Variants in PPM1E observed in about 807,000 individuals in gnomAD.
The protein encoded by PPM1E is protein phosphatase 1E.
In PPM1E, 20 loss-of-function variants were observed where a neutral mutation model predicts 65.9. The ratio of observed to expected loss-of-function variants is 0.30; its 90% CI spans 0.21 to 0.44. PPM1E has a LOEUF of 0.44. Ranked by LOEUF, PPM1E falls within the 20% of genes least tolerant of loss-of-function variation. The pLI, the probability that PPM1E is intolerant of heterozygous loss-of-function variation, is 1.00. For missense variants in PPM1E, 713 were observed against 953.1 expected (o/e 0.75, Z 3.32); for synonymous variants, 352 against 374.9 (o/e 0.94, Z 0.70).
intron 1 of PPM1E, among the ~76,000 whole-genome samples, chr17:58,852,255 C>T (rs540263325): frequency 3.2e-4 from 49 of 152,238 alleles, no homozygotes; most frequent in South Asian, 2.7e-3. Flanking sequence ...CACCCTGCTC[C>T]GTGGGCTGCA....
rs772254985 is a variant in PPM1E at position 58,756,058 on chromosome 17, G to C, written c.61G>C (p.Glu21Gln). 12 of 1,613,954 alleles carry C rather than the reference G, an allele frequency of 7.4e-6. No homozygotes were observed. The highest frequency in any genetic ancestry group is 9.3e-6 in the Non-Finnish European group (11 of 1,179,916). ...GCGCTTCCTGGAGCTATTCCTGGGC[G>C]AGTTTCGCGGACCGTGCGGCGGCGG... Reference protein sequence around the residue: ...YRRFLELFLGEFRGPCGGGEP... With the variant: ...YRRFLELFLGQFRGPCGGGEP... Residue 21 changes from glutamate to glutamine, a missense_variant, in exon 1 of 7, where the codon GAG becomes CAG. Physicochemically the swap from Glu to Gln is conservative, Grantham distance 29. This residue lies in a region of PPM1E where 212 missense variants were observed against 204.0 expected (regional missense o/e 1.04). Transcript: ENST00000308249.
intron 1 of PPM1E, among the ~76,000 whole-genome samples, chr17:58,819,122 C>G (rs2050454696): frequency 6.6e-6 from 1 of 151,918 alleles, no homozygotes; most frequent in South Asian, 2.1e-4. Context: ...TGATCTCTGC[C>G]CCCCAATTTT....
In PPM1E at chr17:58,980,501, C is replaced by T; in HGVS notation, c.1738C>T (p.Pro580Ser). Reference sequence around the variant, plus strand: ...TCTCACACAAATAGAAGCAAGCAAACCTCACAGTGCCCAGTTTTTGCTACC... The same window carrying T: ...TCTCACACAAATAGAAGCAAGCAAATCTCACAGTGCCCAGTTTTTGCTACC... ...LDLTQIEASK[P>S]HSAQFLLPVE... Residue 580 changes from proline (P) to serine (S), a missense_variant, in exon 7 of 7, where the codon CCT (proline) becomes TCT (serine). Pro to Ser is a moderately conservative substitution (Grantham distance 74). Transcript: ENST00000308249. The surrounding 1 kb of genome is among the most constrained non-coding windows in gnomAD (Gnocchi z 4.7). The T allele has an allele frequency of 6.2e-7, 1 of 1,614,158 alleles. No individual in the cohort carries two copies.
At chr17:58,785,024 T>C (rs2050085549) in intron 1 of PPM1E, among the ~76,000 whole-genome samples, 1 of 152,112 alleles carries the variant, frequency 6.6e-6, no homozygotes, top group African/African-American at 2.4e-5. Flanking sequence ...ATTTTTTCTT[T>C]TGTCACATGT....
intron 1 of PPM1E, 97 bp from the exon 2 acceptor site, chr17:58,955,552 G>C: frequency 7.2e-7 from 1 of 1,380,160 alleles, no homozygotes; most frequent in Non-Finnish European, 1.0e-6. Flanking sequence ...ATTTTGTTTT[G>C]AGACAATGTT....
At chr17:58,878,941 C>T (rs1016076051) in intron 1 of PPM1E, among the ~76,000 whole-genome samples, 71 of 151,900 alleles carry the variant, frequency 4.7e-4, no homozygotes, top group African/African-American at 1.7e-3. Flanking sequence ...CTAACTTTTG[C>T]TCTTCTAAAA....
rs1168172465 is a variant in PPM1E, at chr17:58,949,090, T to C, written c.465-6559T>C. Among the ~76,000 whole-genome samples, 3 of 152,322 alleles carry C rather than the reference T, an allele frequency of 2.0e-5. No homozygotes were observed. The East Asian group carries it at 5.8e-4, about 29-fold the overall frequency. On this transcript the variant is annotated intron_variant, in intron 1 of 6. Transcript: ENST00000308249. ...CTAGATGATTTCTGCAATGCTGAGT[T>C]GGGTGTTGAAGTCCCCAGCTGTTAT...
chr17:58,934,865 T>G (rs1165048269), intron 1 of PPM1E, among the ~76,000 whole-genome samples: 1 of 149,470 alleles, frequency 6.7e-6, no homozygotes, highest in African/African-American at 2.5e-5. Flanking sequence ...AGACAGAGGT[T>G]GCAGTGAGCC....
chr17:58,857,760 T>C (rs1306717886), intron 1 of PPM1E, among the ~76,000 whole-genome samples: 2 of 152,026 alleles, frequency 1.3e-5, no homozygotes, highest in Non-Finnish European at 2.9e-5. Context: ...ATAAATAAAT[T>C]AGAGATGATG....
At chr17:58,970,845 G>A (rs1450861311) in intron 4 of PPM1E, among the ~76,000 whole-genome samples, 3 of 151,950 alleles carry the variant, frequency 2.0e-5, no homozygotes, top group Non-Finnish European at 4.4e-5. Context: ...CATCTGAGTC[G>A]AGGACAAGGG....
intron 1 of PPM1E, among the ~76,000 whole-genome samples, chr17:58,810,851 G>A (rs1276952258): frequency 6.6e-6 from 1 of 151,730 alleles, no homozygotes. Context: ...CTATATGGTC[G>A]GTTTTCTGTT....
intron 1 of PPM1E, among the ~76,000 whole-genome samples, chr17:58,789,096 A>T (rs1194976083): frequency 6.6e-6 from 1 of 152,238 alleles, no homozygotes; most frequent in Non-Finnish European, 1.5e-5. Context: ...TCTGTTTTGG[A>T]CTGAAAGATT....
chr17:58,969,785 C>A, intron 4 of PPM1E, 58 bp downstream of exon 4: 1 of 1,536,338 alleles, frequency 6.5e-7, no homozygotes, highest in South Asian at 1.2e-5. Context: ...TCAATTTGGT[C>A]TGTGTGGTTA....
intron 1 of PPM1E, among the ~76,000 whole-genome samples, chr17:58,844,188 T>A (rs1406448287): frequency 6.6e-6 from 1 of 152,156 alleles, no homozygotes; most frequent in African/African-American, 2.4e-5. Context: ...AAAGCAAACA[T>A]GATTAATATT....
intron 2 of PPM1E, among the ~76,000 whole-genome samples, chr17:58,956,092 G>A (rs563600183): frequency 6.6e-6 from 1 of 152,116 alleles, no homozygotes; most frequent in East Asian, 1.9e-4. Flanking sequence ...AGATGAGTGG[G>A]TGAGGGAGAA....
intron 1 of PPM1E, among the ~76,000 whole-genome samples, chr17:58,831,084 C>T (rs1167802019): frequency 6.6e-6 from 1 of 150,692 alleles, no homozygotes; most frequent in African/African-American, 2.4e-5. Context: ...AATCTCAGCT[C>T]ACTGCAACCT....
rs1221238237 is a variant in PPM1E, at chr17:58,966,001, G to A, written c.783+108G>A. 12 of 1,165,698 alleles carry A rather than the reference G, an allele frequency of 1.0e-5. No homozygotes were observed. The Middle Eastern group carries it at 7.8e-4, about 76-fold the overall frequency. The allele number at this position is 1,165,698 out of a possible 1,614,324, so 72.2% of individuals were successfully genotyped here. On this transcript the variant is annotated intron_variant, in intron 3 of 6. Transcript: ENST00000308249. Reference sequence around the variant, plus strand: ...TGTTATATTTCTAATTGTATCTCTGGTAGATTAGAGTAGGGCTAAGTGCAA... The same window carrying A: ...TGTTATATTTCTAATTGTATCTCTGATAGATTAGAGTAGGGCTAAGTGCAA...
intron 2 of PPM1E, among the ~76,000 whole-genome samples, chr17:58,956,369 G>C (rs892789198): frequency 3.3e-5 from 5 of 151,814 alleles, no homozygotes; most frequent in Middle Eastern, 3.4e-3. Flanking sequence ...CCAGGAGGTG[G>C]AGGTTACAGT....
chr17:58,875,324 A>G (rs978197371), intron 1 of PPM1E, among the ~76,000 whole-genome samples: 1 of 152,224 alleles, frequency 6.6e-6, no homozygotes, highest in Non-Finnish European at 1.5e-5. Flanking sequence ...GAAAGAAAGC[A>G]CAGATTGACA....
Sources: allele counts gnomAD v4.1 joint callset (sites outside exome capture counted in the v4.1 genomes callset), GRCh38; gene constraint gnomAD v4.1.1; regional missense constraint gnomAD v4.1.1; non-coding constraint Gnocchi (gnomAD v3.1); transcripts MANE v1.5; gene names NCBI Gene and HGNC (gene_info 2026-07-23, HGNC 2026-07-21).